CCDC77: variants seen among roughly 807,000 people sequenced by gnomAD.
CCDC77 encodes coiled-coil domain-containing protein 77.
CCDC77 carries 56 observed loss-of-function variants against 66.8 expected under a neutral mutation model. That is an observed-to-expected ratio of 0.84 (90% CI 0.68 to 1.05). CCDC77 has a LOEUF of 1.05. Among genes scored for constraint, CCDC77 ranks in the 50% least tolerant of loss-of-function variants. The probability of loss-of-function intolerance (pLI) is 0.00; values close to 1 mark genes in which losing one functional copy is unlikely to be tolerated. For missense variants in CCDC77, 570 were observed against 576.8 expected (o/e 0.99, Z 0.12); for synonymous variants, 196 against 195.2 (o/e 1.00, Z -0.03).
chr12:396,482 T>A (rs536314648), intron 1 of CCDC77, among the ~76,000 whole-genome samples: 1 of 152,346 alleles, frequency 6.6e-6, no homozygotes, highest in East Asian at 1.9e-4. Flanking sequence ...TGTTTTGAAG[T>A]ATACGGGAGG....
chr12:423,279 A>G (rs1945446662), intron 5 of CCDC77, among the ~76,000 whole-genome samples: 1 of 138,838 alleles, frequency 7.2e-6, no homozygotes, highest in East Asian at 2.1e-4. Context: ...ATGTGCTGCC[A>G]TGCCCAGCTA....
At chr12:440,558 C>T (rs1945838870) in intron 10 of CCDC77, 59 bp from the exon 11 acceptor site, 3 of 1,584,070 alleles carry the variant, frequency 1.9e-6, no homozygotes, top group South Asian at 1.1e-5. Flanking sequence ...CTAAAAGCTA[C>T]TTGAATTACC....
intron 1 of CCDC77, among the ~76,000 whole-genome samples, chr12:404,752 C>T (rs1443540232): frequency 2.2e-5 from 3 of 138,060 alleles, no homozygotes; most frequent in Non-Finnish European, 3.1e-5. Context: ...GACGGAGTTT[C>T]GCTCTTGTTG....
intron 5 of CCDC77, among the ~76,000 whole-genome samples, chr12:424,663 T>C (rs1323141366): frequency 1.3e-5 from 2 of 152,146 alleles, no homozygotes; most frequent in South Asian, 2.1e-4. Context: ...TCAATTTATG[T>C]ATTTTTTTAT....
intron 2 of CCDC77, among the ~76,000 whole-genome samples, chr12:407,260 T>C (rs1945012484): frequency 6.6e-6 from 1 of 152,238 alleles, no homozygotes; most frequent in South Asian, 2.1e-4. Flanking sequence ...ATGGGTCGTG[T>C]GTGGCATGTA....
At chr12:402,211 A>G (rs914276874) in intron 1 of CCDC77, among the ~76,000 whole-genome samples, 5 of 152,212 alleles carry the variant, frequency 3.3e-5, no homozygotes, top group African/African-American at 1.2e-4. Flanking sequence ...ATTTACCTAT[A>G]AACAAAGGCA....
intron 5 of CCDC77, among the ~76,000 whole-genome samples, chr12:423,324 G>A (rs1157747744): frequency 1.5e-5 from 2 of 134,866 alleles, no homozygotes; most frequent in African/African-American, 5.4e-5. Flanking sequence ...TTTTTTTGTG[G>A]AGACAAGGTT....
rs1431421013 is a variant in CCDC77, at chr12:442,432, T to C, written c.*512T>C. ...CGTCCTGAGCAGAGCCTGAATTACG[T>C]TTTTGGGCAATTTCATGGTGTTTCA... On this transcript the variant is annotated 3_prime_UTR_variant, in exon 13 of 13. Coordinates refer to ENST00000239830, the MANE Select transcript of CCDC77 (RefSeq NM_032358.4). The C allele has an allele frequency of 6.6e-6, 1 of 152,194 alleles. No individual in the cohort carries two copies. Among genetic ancestry groups the C allele is most frequent in the Non-Finnish European group, 1.5e-5 (1 of 68,120 alleles). The allele number at this position is 152,194 out of a possible 1,614,324, so 9.4% of individuals were successfully genotyped here. A position where few individuals can be genotyped will look rare whatever the true frequency, so the allele number is the denominator to read the frequency against.
chr12:399,596 T>C (rs2137527684), upstream of CCDC77, among the ~76,000 whole-genome samples: 1 of 152,392 alleles, frequency 6.6e-6, no homozygotes, highest in East Asian at 1.9e-4. Flanking sequence ...ACCAGAGCTC[T>C]TGGGTGACCA....
chr12:427,467 A>T (rs1319565861), intron 5 of CCDC77, among the ~76,000 whole-genome samples: 2 of 145,568 alleles, frequency 1.4e-5, no homozygotes, highest in Non-Finnish European at 3.0e-5. Flanking sequence ...GTTTTTTTTA[A>T]TTAATTAATT....
intron 1 of CCDC77, chr12:389,548 A>ACGGGGGGAGGCGGGGCGAGG: frequency 4.1e-5 from 1 of 24,292 alleles, no homozygotes; most frequent in Admixed American, 1.0e-3. Flanking sequence ...AGGGAAGCCG[A>ACGGGGGGAGGCGGGGCGAGG]CGGGGCGAGG....
At chr12:412,490 T>G (rs894531201) in intron 4 of CCDC77, among the ~76,000 whole-genome samples, 1 of 152,238 alleles carries the variant, frequency 6.6e-6, no homozygotes, top group African/African-American at 2.4e-5. Flanking sequence ...TATTGACATT[T>G]TGGCCTGGAT....
chr12:413,388 C>T (rs1434226600), intron 4 of CCDC77, among the ~76,000 whole-genome samples: 1 of 150,414 alleles, frequency 6.6e-6, no homozygotes, highest in African/African-American at 2.5e-5. Context: ...TGGTGCCTGC[C>T]ACCATGCCCA....
intron 5 of CCDC77, among the ~76,000 whole-genome samples, chr12:423,129 T>TTTTTTTTTTTTTTTTTC (rs1945440685): frequency 8.8e-6 from 1 of 113,960 alleles, no homozygotes; most frequent in Non-Finnish European, 1.7e-5. Flanking sequence ...TTTTTTTTTT[T>TTTTTTTTTTTTTTTTTC]TTTTTTTTTG....
chr12:415,504 C>CATA (rs747347473), intron 4 of CCDC77, among the ~76,000 whole-genome samples: 54 of 145,078 alleles, frequency 3.7e-4, no homozygotes, highest in African/African-American at 5.1e-4. Flanking sequence ...TAATTATTAA[C>CATA]ATAATATGTT....
chr12:429,978 G>A lies in CCDC77; in HGVS notation c.511-686G>A, dbSNP rs189554828. ...TATTACTAAATAGCCCTGCAATTTT[G>A]TTTATTTATTTATATTTATTTATTT... On this transcript the variant is annotated intron_variant, in intron 6 of 12. Coordinates refer to ENST00000239830, the MANE Select transcript of CCDC77 (RefSeq NM_032358.4). Among the ~76,000 whole-genome samples, 4 of 150,776 alleles carry A rather than the reference G, an allele frequency of 2.7e-5. No homozygotes were observed. In the South Asian group the frequency reaches 6.2e-4, roughly 24 times the overall value.
rs1565567966 is a variant in CCDC77 at position 415,339 on chromosome 12, TTAATATA to T, written c.271-3154_271-3148del. ...TTAATATAATCAACATAATATTATG[TTAATATA>T]ATCAACATAATATTATGTTAATATA... On this transcript the variant is annotated intron_variant, in intron 4 of 12. Transcript: ENST00000239830. Among the ~76,000 whole-genome samples the T allele has an allele frequency of 2.4e-4, 25 of 103,340 alleles. 1 individual carries two copies. The highest frequency in any genetic ancestry group is 3.8e-4 in the Non-Finnish European group (19 of 50,038). 67.8% of individuals were successfully genotyped at this position (103,340 alleles called of 152,430 possible).
rs1565572179 is a variant in CCDC77, at chr12:423,477, G to GTTTTTTTTTTTTTTTT, written c.413+4842_413+4843insTTTTTTTTTTTTTTTT. ...TTTCTGGGTGTTTTTTGTGTTTTTT[G>GTTTTTTTTTTTTTTTT]TGTTTTTTTTTGTTTTGTTTTTTTT... On this transcript the variant is annotated intron_variant, in intron 5 of 12. Transcript: ENST00000239830. 2.6e-3 allele frequency among the ~76,000 whole-genome samples: 64 copies of GTTTTTTTTTTTTTTTT among 24,970 alleles called. 2 individuals are homozygous for GTTTTTTTTTTTTTTTT. The highest frequency in any genetic ancestry group is 4.5e-3 in the Non-Finnish European group (43 of 9,522). The allele number at this position is 24,970 out of a possible 152,430, so 16.4% of individuals were successfully genotyped here.
At chr12:391,684 T>C (rs1464211251) in intron 1 of CCDC77, among the ~76,000 whole-genome samples, 1 of 152,258 alleles carries the variant, frequency 6.6e-6, no homozygotes, top group African/African-American at 2.4e-5. Flanking sequence ...TGATTGGTCC[T>C]ATTTATTTCC....
Sources: gnomAD v4.1 joint callset for allele counts (sites outside exome capture counted in the v4.1 genomes callset) on GRCh38, gnomAD v4.1.1 for gene constraint, MANE v1.5 for transcripts, NCBI Gene and HGNC (gene_info 2026-07-23, HGNC 2026-07-21) for gene names.